RPL39L: variants seen among roughly 807,000 people sequenced by gnomAD.
The protein encoded by RPL39L is ribosomal protein L39 like.
For synonymous variants in RPL39L, 16 were observed against 20.1 expected (o/e 0.80, Z 0.55); for missense variants, 48 against 58.9 (o/e 0.81, Z 0.61).
At chr3:187,123,352 A>G (rs965098507) in intron 2 of RPL39L, among the ~76,000 whole-genome samples, 1 of 152,246 alleles carries the variant, frequency 6.6e-6, no homozygotes, top group African/African-American at 2.4e-5. Context: ...GAGAATAACA[A>G]ATAGGCCTGA....
intron 1 of RPL39L, 88 bp from the exon 2 acceptor site, chr3:187,128,150 A>C (rs1344290875): frequency 1.3e-5 from 2 of 152,212 alleles, no homozygotes; most frequent in African/African-American, 4.8e-5. Flanking sequence ...AATAATGTTC[A>C]TCAATTGGCC....
intron 1 of RPL39L, among the ~76,000 whole-genome samples, chr3:187,137,821 C>CA (rs36040788): frequency 0.094 from 10,864 of 115,390 alleles, 466 homozygotes; most frequent in South Asian, 0.14. Context: ...TACTCCGTCT[C>CA]AAAAAAAAAA....
intron 1 of RPL39L, among the ~76,000 whole-genome samples, 174 bp downstream of exon 1, chr3:187,139,038 AC>A (rs1720638103): frequency 6.6e-6 from 1 of 151,110 alleles, no homozygotes; most frequent in Non-Finnish European, 1.5e-5. Flanking sequence ...AGCCTGGGCG[AC>A]GGAGGGAGAC....
chr3:187,134,496 A>AAAAAAAAAAAAAAAAAAAAAAAAAAAG (rs1362750015), intron 1 of RPL39L, among the ~76,000 whole-genome samples: 2 of 150,902 alleles, frequency 1.3e-5, no homozygotes, highest in East Asian at 2.0e-4. Context: ...AAAAAAAAAA[A>AAAAAAAAAAAAAAAAAAAAAAAAAAAG]AAAAAAGAAG....
chr3:187,131,636 G>C (rs1349116042), intron 1 of RPL39L, among the ~76,000 whole-genome samples: 1 of 152,174 alleles, frequency 6.6e-6, no homozygotes, highest in African/African-American at 2.4e-5. Context: ...GTGTGACCTT[G>C]AACACATTTC....
intron 1 of RPL39L, among the ~76,000 whole-genome samples, chr3:187,137,077 C>T (rs1323073738): frequency 1.3e-5 from 2 of 151,308 alleles, no homozygotes; most frequent in Non-Finnish European, 2.9e-5. Flanking sequence ...CATGGTGGTG[C>T]ATGCCTGTGA....
At chr3:187,132,501 A>C (rs1173465574) in intron 1 of RPL39L, among the ~76,000 whole-genome samples, 1 of 152,182 alleles carries the variant, frequency 6.6e-6, no homozygotes, top group African/African-American at 2.4e-5. Flanking sequence ...TGACAGACAA[A>C]AGAATGGCAG....
chr3:187,130,930 G>A (rs540406029), intron 1 of RPL39L, among the ~76,000 whole-genome samples: 1 of 152,210 alleles, frequency 6.6e-6, no homozygotes, highest in South Asian at 2.1e-4. Flanking sequence ...TATCAGATGG[G>A]CACAACTGTC....
intron 2 of RPL39L, among the ~76,000 whole-genome samples, chr3:187,127,301 T>C (rs972277801): frequency 6.6e-6 from 1 of 152,148 alleles, no homozygotes; most frequent in Non-Finnish European, 1.5e-5. Context: ...ATAAAAAATA[T>C]ATAAATGTAA....
chr3:187,122,309 A>G (rs1247167234), intron 2 of RPL39L, among the ~76,000 whole-genome samples: 1 of 152,212 alleles, frequency 6.6e-6, no homozygotes, highest in African/African-American at 2.4e-5. Context: ...TTGTGAGAGT[A>G]ATTACATGAT....
intron 1 of RPL39L, among the ~76,000 whole-genome samples, chr3:187,130,893 T>C (rs1298993010): frequency 2.0e-5 from 3 of 152,210 alleles, no homozygotes; most frequent in Non-Finnish European, 4.4e-5. Flanking sequence ...CCGCTGTTAC[T>C]GAGTCATCTG....
intron 1 of RPL39L, among the ~76,000 whole-genome samples, chr3:187,133,518 A>G (rs1378302231): frequency 6.6e-6 from 1 of 152,138 alleles, no homozygotes; most frequent in African/African-American, 2.4e-5. Context: ...TCTTTATAGC[A>G]GTGTGAAAAC....
At chr3:187,137,023 TAGTG>T (rs1410345047) in intron 1 of RPL39L, among the ~76,000 whole-genome samples, 1 of 150,950 alleles carries the variant, frequency 6.6e-6, no homozygotes, top group African/African-American at 2.4e-5. Flanking sequence ...ATGTTTCTCA[TAGTG>T]AGACCTCATC....
At chr3:187,122,220 T>C (rs1175076404) in intron 2 of RPL39L, among the ~76,000 whole-genome samples, 1 of 152,242 alleles carries the variant, frequency 6.6e-6, no homozygotes, top group Non-Finnish European at 1.5e-5. Context: ...CCTCCATAAT[T>C]AACGAACATC....
At chr3:187,129,542 G>A (rs888171469) in intron 1 of RPL39L, among the ~76,000 whole-genome samples, 3 of 152,160 alleles carry the variant, frequency 2.0e-5, no homozygotes, top group African/African-American at 7.2e-5. Flanking sequence ...TCTACAAAAG[G>A]ACATCCTCAC....
intron 1 of RPL39L, among the ~76,000 whole-genome samples, chr3:187,137,751 C>T (rs113489006): frequency 0.019 from 2,868 of 151,708 alleles, 41 homozygotes; most frequent in Non-Finnish European, 0.028. Context: ...TCACTTGAAC[C>T]CAGGCAGCAG....
At chr3:187,134,308 T>C (rs1013279473) in intron 1 of RPL39L, among the ~76,000 whole-genome samples, 1 of 151,988 alleles carries the variant, frequency 6.6e-6, no homozygotes. Flanking sequence ...CTGGAGACAT[T>C]TGGCAGTATC....
At chr3:187,121,864 T>C (rs1056607031) in intron 2 of RPL39L, among the ~76,000 whole-genome samples, 1 of 152,230 alleles carries the variant, frequency 6.6e-6, no homozygotes, top group African/African-American at 2.4e-5. Flanking sequence ...ACAACTTATC[T>C]AACTAATATG....
intron 2 of RPL39L, among the ~76,000 whole-genome samples, chr3:187,122,743 G>A (rs1283257256): frequency 6.6e-6 from 1 of 152,180 alleles, no homozygotes; most frequent in East Asian, 1.9e-4. Flanking sequence ...TGAAGGATGG[G>A]CACTATAGTT....
Sources: gnomAD v4.1 joint callset for allele counts (sites outside exome capture counted in the v4.1 genomes callset) on GRCh38, gnomAD v4.1.1 for gene constraint, MANE v1.5 for transcripts, NCBI Gene and HGNC (gene_info 2026-07-23, HGNC 2026-07-21) for gene names.